UNC5D: variants seen among roughly 807,000 people sequenced by gnomAD.
The protein encoded by UNC5D is netrin receptor UNC5D.
In UNC5D, 39 loss-of-function variants were observed where a neutral mutation model predicts 105.4. That is an observed-to-expected ratio of 0.37 (90% confidence interval 0.29 to 0.48). The LOEUF is 0.48. Among genes scored for constraint, UNC5D ranks in the 20% least tolerant of loss-of-function variants. The pLI is 0.98. For missense variants in UNC5D, 991 were observed against 1,202.4 expected (o/e 0.82, Z 2.60); for synonymous variants, 452 against 450.4 (o/e 1.00, Z -0.04).
rs141967892 is a variant in UNC5D at position 35,658,472 on chromosome 8, T to C, written c.571-25075T>C. Among the ~76,000 whole-genome samples, 1,093 of 152,186 alleles carry C rather than the reference T, an allele frequency of 7.2e-3. 6 individuals carry two copies. Among genetic ancestry groups the C allele is most frequent in the Non-Finnish European group, 0.012 (804 of 68,000 alleles). ...AAGACTGGACAAAGTACAAGACATA[T>C]TGTAGGTGCTCTATAAATAGGCTGG... On this transcript the variant is annotated intron_variant, in intron 4 of 16. Coordinates refer to ENST00000404895, the MANE Select transcript of UNC5D (RefSeq NM_080872.4).
intron 4 of UNC5D, among the ~76,000 whole-genome samples, chr8:35,640,143 G>T (rs1304676330): frequency 1.3e-5 from 2 of 152,018 alleles, no homozygotes; most frequent in Admixed American, 6.6e-5. Flanking sequence ...AAAGCAAAAA[G>T]AGTGATTTCT....
At chr8:35,388,595 A>G (rs1023365228) in intron 1 of UNC5D, among the ~76,000 whole-genome samples, 18 of 152,336 alleles carry the variant, frequency 1.2e-4, no homozygotes, top group Middle Eastern at 3.4e-3. Context: ...GATCACGGGC[A>G]AGTACATAGT....
chr8:35,574,042 G>A (rs1043745696), intron 3 of UNC5D, among the ~76,000 whole-genome samples: 1 of 152,202 alleles, frequency 6.6e-6, no homozygotes, highest in African/African-American at 2.4e-5. Flanking sequence ...AGACGGGCAC[G>A]CCATGGCATC....
intron 1 of UNC5D, among the ~76,000 whole-genome samples, chr8:35,278,739 T>C (rs993350322): frequency 6.6e-6 from 1 of 152,132 alleles, no homozygotes; most frequent in African/African-American, 2.4e-5. Context: ...TGACAGCACC[T>C]GAAATCTACT....
intron 16 of UNC5D, among the ~76,000 whole-genome samples, chr8:35,775,576 C>T (rs1802207994): frequency 6.6e-6 from 1 of 152,016 alleles, no homozygotes. Flanking sequence ...TTTGCCAGAA[C>T]CATTTTATTT....
At chr8:35,280,581 CCT>C (rs1408917016) in intron 1 of UNC5D, among the ~76,000 whole-genome samples, 1 of 152,138 alleles carries the variant, frequency 6.6e-6, no homozygotes, top group East Asian at 1.9e-4. Context: ...GGGAACACAT[CCT>C]CTCTTTGGTG....
At chr8:35,322,847 G>A (rs889633721) in intron 1 of UNC5D, among the ~76,000 whole-genome samples, 44 of 152,108 alleles carry the variant, frequency 2.9e-4, no homozygotes, top group Admixed American at 8.5e-4. Flanking sequence ...ACTACTCTCC[G>A]AAGAGGTTGG....
At chr8:35,289,455 G>C in intron 1 of UNC5D, among the ~76,000 whole-genome samples, 1 of 152,156 alleles carries the variant, frequency 6.6e-6, no homozygotes, top group Admixed American at 6.5e-5. Context: ...AGATCATCTA[G>C]ATGGAAAAGA....
At chr8:35,521,365 G>A (rs1384586674) in intron 1 of UNC5D, among the ~76,000 whole-genome samples, 1 of 152,078 alleles carries the variant, frequency 6.6e-6, no homozygotes, top group Non-Finnish European at 1.5e-5. Context: ...TACTAAGGAT[G>A]TTAAATTAAT....
chr8:35,769,625 G>C (rs1458906433), intron 15 of UNC5D, among the ~76,000 whole-genome samples: 1 of 152,286 alleles, frequency 6.6e-6, no homozygotes, highest in East Asian at 1.9e-4. Flanking sequence ...GGGATTGTCT[G>C]ACTCACAGGA....
intron 2 of UNC5D, among the ~76,000 whole-genome samples, chr8:35,553,576 T>A (rs1282745874): frequency 1.3e-5 from 2 of 152,186 alleles, no homozygotes; most frequent in East Asian, 3.9e-4. Flanking sequence ...GAAATGTCTC[T>A]CCCTAAACAG....
rs1803864060 is a variant in UNC5D at position 35,253,546 on chromosome 8, G to A, written c.103+17659G>A. Among the ~76,000 whole-genome samples, 2 of 142,266 alleles carry A rather than the reference G, an allele frequency of 1.4e-5. 1 individual carries two copies. The highest frequency in any genetic ancestry group is 4.6e-4 in the South Asian group (2 of 4,336). 93.3% of individuals were successfully genotyped at this position (142,266 alleles called of 152,430 possible). ...CTGTCGCCCAGGCTGGAGTGCAGTG[G>A]CACTATCTCAGCTCACTGCAACCTC... On this transcript the variant is annotated intron_variant, in intron 1 of 16. Transcript: ENST00000404895.
chr8:35,555,424 C>T (rs1816470825), intron 2 of UNC5D, among the ~76,000 whole-genome samples: 1 of 152,162 alleles, frequency 6.6e-6, no homozygotes, highest in South Asian at 2.1e-4. Flanking sequence ...CAGCTAATCA[C>T]TTTATATAAT....
intron 1 of UNC5D, among the ~76,000 whole-genome samples, chr8:35,524,666 A>AAAAGAAT (rs1813727560): frequency 6.6e-6 from 1 of 150,442 alleles, no homozygotes; most frequent in Non-Finnish European, 1.5e-5. Flanking sequence ...GAAAAAAGAA[A>AAAAGAAT]AAAGAAAAAA....
intron 1 of UNC5D, among the ~76,000 whole-genome samples, chr8:35,533,434 C>G (rs1350825880): frequency 6.6e-6 from 1 of 152,038 alleles, no homozygotes; most frequent in East Asian, 1.9e-4. Context: ...GCTGGGAGAA[C>G]CACTGCTCTC....
At position 35,759,303 on chromosome 8, in the gene UNC5D, T is replaced by C; in HGVS notation, c.2164-17T>C. 1.9e-6 allele frequency: 3 copies of C among 1,608,950 alleles called. No individual in the cohort carries two copies. Among genetic ancestry groups the C allele is most frequent in the Non-Finnish European group, 2.5e-6 (3 of 1,178,808 alleles). On this transcript the variant is annotated splice_polypyrimidine_tract_variant and intron_variant, in intron 13 of 16. Transcript: ENST00000404895. ...ATATTTCATTATTGATCTTATTTTC[T>C]TTTTCTTCTCCTATAGGAAGTGGTT...
At chr8:35,506,445 T>C (rs1482699898) in intron 1 of UNC5D, among the ~76,000 whole-genome samples, 1 of 152,164 alleles carries the variant, frequency 6.6e-6, no homozygotes, top group Non-Finnish European at 1.5e-5. Flanking sequence ...TGATAAAGAA[T>C]GTACTAGATA....
chr8:35,256,672 A>C (rs1045452278), intron 1 of UNC5D: 1 of 152,080 alleles, frequency 6.6e-6, no homozygotes, highest in Non-Finnish European at 1.5e-5. Flanking sequence ...GAAGTGGAGC[A>C]GGAAGAATTT....
chr8:35,631,201 C>T (rs1205480590), intron 4 of UNC5D, among the ~76,000 whole-genome samples: 1 of 152,116 alleles, frequency 6.6e-6, no homozygotes, highest in East Asian at 1.9e-4. Context: ...GCAGTCCCAG[C>T]TACTGGGGAG....
Sources: allele counts gnomAD v4.1 joint callset (sites outside exome capture counted in the v4.1 genomes callset), GRCh38; gene constraint gnomAD v4.1.1; transcripts MANE v1.5; gene names NCBI Gene and HGNC (gene_info 2026-07-23, HGNC 2026-07-21).